The following APLF variants were observed in gnomAD, a reference collection of about 807,000 sequenced individuals.
APLF encodes the protein aprataxin and PNKP like factor.
Under a neutral mutation model 55.6 loss-of-function variants are expected in APLF, and 61 were observed. The ratio of observed to expected loss-of-function variants is 1.10; its 90% CI spans 0.89 to 1.36. The LOEUF (loss-of-function observed/expected upper bound fraction) is 1.36. Among genes scored for constraint, APLF ranks in the 40% most tolerant of loss-of-function variants. The pLI, the probability that APLF is intolerant of heterozygous loss-of-function variation, is 0.00. For missense variants in APLF, 611 were observed against 602.5 expected (o/e 1.01, Z -0.15); for synonymous variants, 207 against 214.8 (o/e 0.96, Z 0.32).
intron 1 of APLF, among the ~76,000 whole-genome samples, chr2:68,475,727 C>T (rs762420087): frequency 2.0e-5 from 3 of 152,046 alleles, no homozygotes; most frequent in East Asian, 1.9e-4. Flanking sequence ...AGAATAAGAC[C>T]GACCTCTTAT....
chr2:68,558,775 C>T (rs2104047285), intron 8 of APLF, among the ~76,000 whole-genome samples: 1 of 152,276 alleles, frequency 6.6e-6, no homozygotes, highest in South Asian at 2.1e-4. Context: ...GCTATTCTTC[C>T]TGATGCTCTC....
At chr2:68,489,538 G>C (rs1676290951) in intron 1 of APLF, among the ~76,000 whole-genome samples, 1 of 152,246 alleles carries the variant, frequency 6.6e-6, no homozygotes, top group South Asian at 2.1e-4. Context: ...ATGATTGTGA[G>C]CCTAAGTAGA....
At chr2:68,481,964 CT>C (rs1159668021) in intron 1 of APLF, among the ~76,000 whole-genome samples, 13 of 152,040 alleles carry the variant, frequency 8.6e-5, no homozygotes, top group Admixed American at 3.3e-4. Context: ...ATGTTTCTCT[CT>C]GTTGAATTTC....
chr2:68,511,690 C>T (rs1163204339), intron 3 of APLF, among the ~76,000 whole-genome samples: 1 of 151,550 alleles, frequency 6.6e-6, no homozygotes, highest in African/African-American at 2.4e-5. Context: ...TGGAAGTACA[C>T]CTGTAACCTG....
chr2:68,561,382 A>C (rs11893609), intron 8 of APLF, among the ~76,000 whole-genome samples: 16,439 of 152,096 alleles, frequency 0.11, 1,152 homozygotes, highest in African/African-American at 0.19. Context: ...CCCCTTTCAC[A>C]ACATAATGCT....
Position 68,526,175 on chromosome 2 carries a change from C to T in APLF, c.737C>T (p.Ser246Leu). Residue 246 changes from serine (S) to leucine (L), a missense_variant, in exon 6 of 10, where the codon TCA becomes TTA. Transcript: ENST00000303795. ...TCATCAGGAAGTTCAGAAAATACAT[C>T]AGCAGAACAAGACACAGGAGAAGAG... ...LISSGSSENT[S>L]AEQDTGEECK... 2 of 1,613,962 alleles carry T rather than the reference C, an allele frequency of 1.2e-6. No homozygotes were observed. Among genetic ancestry groups the T allele is most frequent in the Non-Finnish European group, 1.7e-6 (2 of 1,179,948 alleles).
intron 7 of APLF, among the ~76,000 whole-genome samples, chr2:68,540,771 C>CGTGTGTGTGTGTGTGTAT (rs1670525353): frequency 6.7e-6 from 1 of 148,304 alleles, no homozygotes; most frequent in Non-Finnish European, 1.5e-5. Context: ...TATGTGCATG[C>CGTGTGTGTGTGTGTGTAT]GTGTGTGTGT....
intron 9 of APLF, chr2:68,568,305 C>T (rs1671362033): frequency 1.0e-6 from 1 of 985,210 alleles, no homozygotes; most frequent in African/African-American, 1.7e-5. Context: ...CCAGGCTGCA[C>T]TCACTTGCAT....
At chr2:68,523,472 T>C (rs1669949880) in intron 5 of APLF, among the ~76,000 whole-genome samples, 1 of 152,024 alleles carries the variant, frequency 6.6e-6, no homozygotes, top group Admixed American at 6.6e-5. Flanking sequence ...TTTGTACTTT[T>C]AGTCCTGTAT....
chr2:68,519,176 A>G (rs1669813617), intron 5 of APLF, among the ~76,000 whole-genome samples: 2 of 138,574 alleles, frequency 1.4e-5, no homozygotes, highest in South Asian at 4.2e-4. Context: ...AATTGGACCA[A>G]TGTGACTATA....
In APLF at chr2:68,538,039, T is replaced by G. The variant is rs751388651; in HGVS notation, c.972T>G (p.Cys324Trp). 10 of 1,614,026 alleles carry G rather than the reference T, an allele frequency of 6.2e-6. No homozygotes were observed. Among genetic ancestry groups the G allele is most frequent in the South Asian group, 1.1e-5 (1 of 91,080 alleles). ...TPHKEDEAMS[C>W]SENCSSAQGD... ...ATAAAGAAGATGAGGCAATGAGCTG[T>G]TCTGAAAATTGTTCGAGTGCCCAGG... The change falls in exon 7 of 10, where the codon TGT (cysteine) becomes TGG (tryptophan). Residue 324 changes from cysteine (C) to tryptophan (W), a missense_variant. By Grantham distance (215) the Cys-to-Trp change is radical. Coordinates refer to ENST00000303795, the MANE Select transcript of APLF (RefSeq NM_173545.3).
At chr2:68,524,024 G>T (rs891431358) in intron 5 of APLF, among the ~76,000 whole-genome samples, 5 of 151,900 alleles carry the variant, frequency 3.3e-5, no homozygotes, top group African/African-American at 1.2e-4. Context: ...GAGTACATGT[G>T]TATCACTTGG....
chr2:68,528,897 G>A (rs1670160889), intron 6 of APLF: 25 of 1,517,332 alleles, frequency 1.6e-5, no homozygotes, highest in Non-Finnish European at 2.2e-5. Context: ...GTCTCCAGGG[G>A]CCTAGAGGTG....
chr2:68,524,306 A>G (rs576736860), intron 5 of APLF, among the ~76,000 whole-genome samples: 3 of 152,320 alleles, frequency 2.0e-5, no homozygotes, highest in Non-Finnish European at 4.4e-5. Context: ...GTTTATGCCT[A>G]AGTTTGATAA....
intron 7 of APLF, among the ~76,000 whole-genome samples, chr2:68,540,437 T>C (rs1283827739): frequency 6.6e-6 from 1 of 152,154 alleles, no homozygotes; most frequent in East Asian, 1.9e-4. Flanking sequence ...TGGTTCCAAG[T>C]CTTTGCTATT....
intron 8 of APLF, among the ~76,000 whole-genome samples, chr2:68,553,737 A>G (rs968765775): frequency 4.6e-5 from 7 of 152,140 alleles, no homozygotes; most frequent in African/African-American, 1.2e-4. Context: ...CCTGTTTTCC[A>G]TGACAGATGA....
intron 5 of APLF, among the ~76,000 whole-genome samples, chr2:68,519,606 T>G (rs1473722126): frequency 6.7e-6 from 1 of 149,782 alleles, no homozygotes; most frequent in Non-Finnish European, 1.5e-5. Context: ...TTCCTGCAAA[T>G]TGAGGATCAA....
At chr2:68,506,403 G>A (rs1573189323) in intron 3 of APLF, among the ~76,000 whole-genome samples, 1 of 151,824 alleles carries the variant, frequency 6.6e-6, no homozygotes, top group East Asian at 1.9e-4. Context: ...GTATTAGATA[G>A]GAAGCATTGA....
chr2:68,469,463 T>A (rs1346661892), intron 1 of APLF, among the ~76,000 whole-genome samples: 1 of 152,214 alleles, frequency 6.6e-6, no homozygotes, highest in Non-Finnish European at 1.5e-5. Context: ...TATCTGTTTT[T>A]AAAAATGGTA....
Sources: allele counts gnomAD v4.1 joint callset (sites outside exome capture counted in the v4.1 genomes callset), GRCh38; gene constraint gnomAD v4.1.1; transcripts MANE v1.5; gene names NCBI Gene and HGNC (gene_info 2026-07-23, HGNC 2026-07-21).